Variants in EMSY observed in about 807,000 individuals in gnomAD.
EMSY encodes the protein EMSY transcriptional repressor, BRCA2 interacting.
A neutral mutation model predicts 134.6 loss-of-function variants in EMSY; 26 were observed. That is an observed-to-expected ratio of 0.19 (90% CI 0.14 to 0.27). EMSY has a LOEUF of 0.27. Ranked by LOEUF, EMSY falls within the 10% of genes least tolerant of loss-of-function variation. The pLI is 1.00. For synonymous variants in EMSY, 579 were observed against 577.8 expected (o/e 1.00, Z -0.03); for missense variants, 1,305 against 1,611.4 (o/e 0.81, Z 3.26).
At chr11:76,496,514 A>C in intron 9 of EMSY, 45 bp downstream of exon 10, 1 of 1,602,580 alleles carries the variant, frequency 6.2e-7, no homozygotes, top group South Asian at 1.1e-5. Flanking sequence ...TTCTTTATTC[A>C]CCAGTTTTTT....
chr11:76,469,843 A>G (rs1948504366), intron 7 of EMSY, among the ~76,000 whole-genome samples: 1 of 152,144 alleles, frequency 6.6e-6, no homozygotes, highest in Non-Finnish European at 1.5e-5. Flanking sequence ...TCTACTTCTC[A>G]GCTTGTATCA....
intron 6 of EMSY, 78 bp downstream of exon 7, chr11:76,460,163 T>C (rs930420719): frequency 1.3e-6 from 2 of 1,510,228 alleles, no homozygotes; most frequent in South Asian, 2.3e-5. Context: ...CCTGCCTTCC[T>C]GGATTAAATC....
At chr11:76,510,674 C>T (rs1950242801) in intron 9 of EMSY, among the ~76,000 whole-genome samples, 1 of 152,126 alleles carries the variant, frequency 6.6e-6, no homozygotes, top group African/African-American at 2.4e-5. Context: ...GGGGGCTGGG[C>T]AGAATAAGAG....
chr11:76,481,805 C>T (rs996123674), intron 8 of EMSY, among the ~76,000 whole-genome samples: 2 of 152,172 alleles, frequency 1.3e-5, no homozygotes, highest in East Asian at 1.9e-4. Flanking sequence ...GGGGAAGGGG[C>T]GGCTGTGGGC....
chr11:76,541,042 T>C (rs1951420151), intron 17 of EMSY, among the ~76,000 whole-genome samples: 1 of 152,186 alleles, frequency 6.6e-6, no homozygotes, highest in Admixed American at 6.5e-5. Flanking sequence ...TTGGCCATCA[T>C]GGCAAAACCC....
rs75671395 is a variant in EMSY at position 76,476,106 on chromosome 11, A to G, written c.1108+3266A>G. On this transcript the variant is annotated intron_variant, in intron 8 of 20. Coordinates refer to ENST00000334736, the Ensembl canonical transcript of EMSY. ...TTCATCTGTGTATTGTAGTTTAACA[A>G]GGTCTCCTGTTCAATGCATTTCCAT... Among the ~76,000 whole-genome samples the G allele has an allele frequency of 9.3e-3, 1,421 of 152,342 alleles. 22 individuals are homozygous for G. Among genetic ancestry groups the G allele is most frequent in the African/African-American group, 0.033 (1,356 of 41,568 alleles).
At chr11:76,460,243 A>T (rs1948053926) in intron 6 of EMSY, 158 bp downstream of exon 7, 9 of 821,518 alleles carry the variant, frequency 1.1e-5, no homozygotes, top group Non-Finnish European at 1.7e-5. Context: ...ACATATGACT[A>T]GGTATATATT....
chr11:76,528,398 G>A lies in EMSY; in HGVS notation c.2126G>A (p.Gly709Glu), dbSNP rs142724797. ...GCTGGTAATTCATCTATTCAGGAAGGAAAAGAAGAACCACAGAATTATACA... is the reference window on the plus strand; with the variant it reads ...GCTGGTAATTCATCTATTCAGGAAGAAAAAGAAGAACCACAGAATTATACA... Residue 709 changes from glycine to glutamate, a missense_variant, in exon 14 of 21, where the codon GGA becomes GAA. Gly to Glu is a moderately conservative substitution (Grantham distance 98). Around this residue, in one of 7 missense-constraint regions of EMSY, gnomAD observed 664 missense variants for 763.9 expected, o/e 0.87. Coordinates refer to ENST00000334736, the Ensembl canonical transcript of EMSY. The A allele has an allele frequency of 1.1e-5, 17 of 1,612,430 alleles. No homozygotes were observed. In the African/African-American group the frequency reaches 1.9e-4, roughly 18 times the overall value.
intron 4 of EMSY, among the ~76,000 whole-genome samples, chr11:76,457,140 T>C (rs1444215366): frequency 6.6e-6 from 1 of 151,998 alleles, no homozygotes; most frequent in Non-Finnish European, 1.5e-5. Flanking sequence ...CTATCATCAT[T>C]ACTATCATTA....
intron 8 of EMSY, among the ~76,000 whole-genome samples, chr11:76,483,662 A>G (rs1219305248): frequency 6.6e-6 from 1 of 152,236 alleles, no homozygotes; most frequent in Admixed American, 6.5e-5. Flanking sequence ...AGGGCATTAC[A>G]TAATGGTAAA....
At chr11:76,538,018 G>T (rs554786467) in intron 16 of EMSY, 68 bp downstream of exon 17, 45 of 1,324,072 alleles carry the variant, frequency 3.4e-5, no homozygotes, top group Non-Finnish European at 4.6e-5. Flanking sequence ...TGGGATGATT[G>T]TGTGGGGGAG....
chr11:76,483,028 A>T (rs1470666518), intron 8 of EMSY, among the ~76,000 whole-genome samples: 6 of 152,240 alleles, frequency 3.9e-5, no homozygotes, highest in Non-Finnish European at 8.8e-5. Context: ...CACAAAGGGA[A>T]GCCCATCAGA....
intron 9 of EMSY, among the ~76,000 whole-genome samples, chr11:76,498,636 A>T (rs1422772017): frequency 3.3e-5 from 5 of 152,128 alleles, no homozygotes; most frequent in African/African-American, 4.8e-5. Flanking sequence ...GGCTGATTTT[A>T]AAAAATTTCC....
At chr11:76,479,036 C>A (rs1303902531) in intron 8 of EMSY, among the ~76,000 whole-genome samples, 2 of 151,886 alleles carry the variant, frequency 1.3e-5, no homozygotes, top group East Asian at 3.9e-4. Flanking sequence ...GAACTATATA[C>A]CCTTTCAGAA....
At chr11:76,468,320 A>C (rs1948441019) in intron 7 of EMSY, among the ~76,000 whole-genome samples, 1 of 152,030 alleles carries the variant, frequency 6.6e-6, no homozygotes. Flanking sequence ...TACTATGGTT[A>C]AAAAAAACAA....
At chr11:76,490,638 A>G (rs1949380443) in intron 8 of EMSY, among the ~76,000 whole-genome samples, 1 of 152,164 alleles carries the variant, frequency 6.6e-6, no homozygotes, top group Admixed American at 6.5e-5. Context: ...TAAACTTCAC[A>G]TTGCCTTGTT....
At chr11:76,498,937 T>C (rs956361223) in intron 9 of EMSY, among the ~76,000 whole-genome samples, 6 of 152,256 alleles carry the variant, frequency 3.9e-5, no homozygotes, top group African/African-American at 1.4e-4. Context: ...AGTGTAGTTA[T>C]ATATTTTTAT....
chr11:76,464,120 T>A, intron 7 of EMSY, 40 bp downstream of exon 8: 2 of 1,609,954 alleles, frequency 1.2e-6, no homozygotes, highest in Non-Finnish European at 8.5e-7. Context: ...AATTGTTTCT[T>A]TCAGACAGTA....
At chr11:76,531,354 G>C (rs1444258254) in intron 14 of EMSY, among the ~76,000 whole-genome samples, 1 of 152,110 alleles carries the variant, frequency 6.6e-6, no homozygotes, top group East Asian at 1.9e-4. Context: ...TTTAACTGTT[G>C]TGGTTTTTTA....
Sources: allele counts gnomAD v4.1 joint callset (sites outside exome capture counted in the v4.1 genomes callset), GRCh38; gene constraint gnomAD v4.1.1; regional missense constraint gnomAD v4.1.1; transcripts MANE v1.5; gene names NCBI Gene and HGNC (gene_info 2026-07-23, HGNC 2026-07-21).